LRRTM4: variants seen among roughly 807,000 people sequenced by gnomAD.
The protein encoded by LRRTM4 is leucine rich repeat transmembrane neuronal 4, also known as leucine-rich repeat transmembrane neuronal protein 4.
Under a neutral mutation model 47.6 loss-of-function variants are expected in LRRTM4, and 25 were observed. The observed-to-expected ratio is 0.53, with a 90% CI of 0.38 to 0.73. LRRTM4 has a LOEUF of 0.73. LRRTM4 is among the 30% of genes least tolerant of loss of function. The pLI is 0.00. For missense variants in LRRTM4, 638 were observed against 713.4 expected (o/e 0.89, Z 1.20); for synonymous variants, 311 against 269.5 (o/e 1.15, Z -1.51).
At chr2:76,989,588 G>A (rs1361698638) in intron 3 of LRRTM4, among the ~76,000 whole-genome samples, 1 of 151,756 alleles carries the variant, frequency 6.6e-6, no homozygotes, top group Non-Finnish European at 1.5e-5. Context: ...ATCTTTCCCT[G>A]TCTTTGCAAT....
chr2:77,319,846 G>C (rs1482721561), intron 3 of LRRTM4, among the ~76,000 whole-genome samples: 1 of 152,200 alleles, frequency 6.6e-6, no homozygotes, highest in African/African-American at 2.4e-5. Context: ...CAAAGGTGAA[G>C]ATTCATATAT....
chr2:77,485,342 T>C (rs1453021167), intron 3 of LRRTM4, among the ~76,000 whole-genome samples: 1 of 152,046 alleles, frequency 6.6e-6, no homozygotes, highest in African/African-American at 2.4e-5. Flanking sequence ...AAGATAAAAT[T>C]TGAACTGGAT....
At chr2:76,845,293 C>T (rs1371759693) in intron 3 of LRRTM4, among the ~76,000 whole-genome samples, 1 of 152,138 alleles carries the variant, frequency 6.6e-6, no homozygotes, top group African/African-American at 2.4e-5. Context: ...GAGTTGGAGA[C>T]TAGCCTGGCC....
intron 3 of LRRTM4, among the ~76,000 whole-genome samples, chr2:77,241,982 T>G (rs1675281199): frequency 6.6e-6 from 1 of 152,164 alleles, no homozygotes; most frequent in African/African-American, 2.4e-5. Context: ...TTCTATTCTC[T>G]TCTGTCAGTC....
intron 3 of LRRTM4, among the ~76,000 whole-genome samples, chr2:76,843,749 G>T (rs898212476): frequency 3.3e-5 from 5 of 152,108 alleles, no homozygotes; most frequent in African/African-American, 1.2e-4. Context: ...CAGGGTTGAT[G>T]GTAGCTGAGT....
intron 3 of LRRTM4, among the ~76,000 whole-genome samples, chr2:77,352,581 C>T (rs1333527748): frequency 6.6e-6 from 1 of 152,036 alleles, no homozygotes; most frequent in Non-Finnish European, 1.5e-5. Flanking sequence ...TGAGGAGAGA[C>T]CAAGTTTGTC....
chr2:76,783,389 C>T (rs1024321998), intron 3 of LRRTM4, among the ~76,000 whole-genome samples: 2 of 152,016 alleles, frequency 1.3e-5, no homozygotes, highest in Non-Finnish European at 2.9e-5. Flanking sequence ...GTAAAATATA[C>T]ATAACATAAA....
At chr2:77,137,993 C>T (rs1671999991) in intron 3 of LRRTM4, among the ~76,000 whole-genome samples, 1 of 152,068 alleles carries the variant, frequency 6.6e-6, no homozygotes, top group South Asian at 2.1e-4. Context: ...TAGAGAACTA[C>T]CAACAGACTT....
intron 3 of LRRTM4, among the ~76,000 whole-genome samples, chr2:77,348,614 A>T (rs1161597748): frequency 6.6e-6 from 1 of 150,494 alleles, no homozygotes; most frequent in African/African-American, 2.4e-5. Flanking sequence ...AAAAACATTT[A>T]TTTCTGTTAT....
intron 3 of LRRTM4, among the ~76,000 whole-genome samples, chr2:76,915,944 C>G (rs7592470): frequency 6.6e-6 from 1 of 151,738 alleles, no homozygotes; most frequent in Non-Finnish European, 1.5e-5. Flanking sequence ...ATCTTTGCCT[C>G]TTAAAAGGCA....
intron 3 of LRRTM4, among the ~76,000 whole-genome samples, chr2:76,812,449 G>T (rs566866917): frequency 1.3e-5 from 2 of 152,248 alleles, no homozygotes; most frequent in South Asian, 2.1e-4. Context: ...CCATTCTTAA[G>T]AGAGTGTTGG....
At chr2:76,776,212 A>G (rs1673983893) in intron 3 of LRRTM4, among the ~76,000 whole-genome samples, 1 of 152,214 alleles carries the variant, frequency 6.6e-6, no homozygotes, top group Admixed American at 6.5e-5. Flanking sequence ...ATGCCGCAAT[A>G]AACATACATG....
intron 3 of LRRTM4, among the ~76,000 whole-genome samples, chr2:77,273,980 T>C (rs1057404166): frequency 6.6e-6 from 1 of 152,140 alleles, no homozygotes; most frequent in Non-Finnish European, 1.5e-5. Flanking sequence ...TCCTTTTTTT[T>C]AAGTGTCTCC....
intron 3 of LRRTM4, among the ~76,000 whole-genome samples, chr2:77,055,936 A>G (rs1318830068): frequency 6.6e-6 from 1 of 150,878 alleles, no homozygotes; most frequent in Admixed American, 6.6e-5. Context: ...AAACTATTGC[A>G]AGAACAAAAA....
intron 3 of LRRTM4, among the ~76,000 whole-genome samples, chr2:76,992,629 A>G (rs1326729931): frequency 6.6e-6 from 1 of 151,736 alleles, no homozygotes; most frequent in Admixed American, 6.6e-5. Context: ...CAAAGACAAC[A>G]CAAACAAATG....
intron 3 of LRRTM4, among the ~76,000 whole-genome samples, chr2:77,183,330 A>G (rs187124613): frequency 1.3e-5 from 2 of 152,350 alleles, no homozygotes; most frequent in East Asian, 1.9e-4. Flanking sequence ...ACATGAAAAA[A>G]TGCTCATCAT....
chr2:76,815,062 T>C (rs2103836967), intron 3 of LRRTM4, among the ~76,000 whole-genome samples: 1 of 152,182 alleles, frequency 6.6e-6, no homozygotes, highest in Admixed American at 6.6e-5. Flanking sequence ...TTCACTGTGC[T>C]TGTTCTAAAA....
chr2:77,118,882 C>G (rs1199130241), intron 3 of LRRTM4, among the ~76,000 whole-genome samples: 1 of 151,704 alleles, frequency 6.6e-6, no homozygotes, highest in Non-Finnish European at 1.5e-5. Context: ...CATTTTTGTT[C>G]TAATCAGGAT....
chr2:77,321,980 T>G (rs1677806669), intron 3 of LRRTM4, among the ~76,000 whole-genome samples: 1 of 152,170 alleles, frequency 6.6e-6, no homozygotes, highest in Non-Finnish European at 1.5e-5. Context: ...CAAATTGAAA[T>G]TTAAGATATG....
Sources: allele counts gnomAD v4.1 joint callset (sites outside exome capture counted in the v4.1 genomes callset), GRCh38; gene constraint gnomAD v4.1.1; transcripts MANE v1.5; gene names NCBI Gene and HGNC (gene_info 2026-07-23, HGNC 2026-07-21).